PTPRK: variants seen among roughly 807,000 people sequenced by gnomAD.
The protein encoded by PTPRK is protein tyrosine phosphatase receptor type K.
In PTPRK, 75 loss-of-function variants were observed where a neutral mutation model predicts 178.0. The observed-to-expected ratio is 0.42, with a 90% CI of 0.35 to 0.51. The LOEUF (loss-of-function observed/expected upper bound fraction) is 0.51, where lower values mean the gene tolerates loss of function less well. Ranked by LOEUF, PTPRK falls within the 20% of genes least tolerant of loss-of-function variation. PTPRK has a pLI of 0.02. For missense variants in PTPRK, 1,441 were observed against 1,797.8 expected, an observed-to-expected ratio of 0.80 and a Z score of 3.59; for synonymous variants, 637 against 620.6, an observed-to-expected ratio of 1.03 and a Z score of -0.39.
chr6:128,008,919 G>A (rs1161658740), intron 14 of PTPRK, among the ~76,000 whole-genome samples: 1 of 151,058 alleles, frequency 6.6e-6, no homozygotes, highest in Non-Finnish European at 1.5e-5. Context: ...TTAACAAAAA[G>A]CATATGTTTA....
In PTPRK at chr6:128,082,457, T is replaced by C. The variant is rs763760310; in HGVS notation, c.1757A>G (p.Asn586Ser). The change falls in exon 10 of 30, where the codon AAT becomes AGT. Residue 586 changes from asparagine to serine, a missense_variant. Around this residue, in one of 4 missense-constraint regions of PTPRK, gnomAD observed 945 missense variants for 1,080.6 expected, o/e 0.87. Transcript: ENST00000368226. ...CATACCTGAGATATTGGTGGTGACA[T>C]TGATGGCTGTGGCTGGACCAAAGCC... is the stretch of plus-strand genomic sequence containing the variant. ...VKGFGPATAINVTTNISAPTL... is the reference protein window; with the variant it reads ...VKGFGPATAISVTTNISAPTL... 19 of 1,610,966 alleles carry C rather than the reference T, an allele frequency of 1.2e-5. 2 individuals carry two copies. Among genetic ancestry groups the C allele is most frequent in the South Asian group, 9.9e-5 (9 of 91,020 alleles).
At chr6:128,194,949 TA>T (rs1243733843) in intron 6 of PTPRK, among the ~76,000 whole-genome samples, 1 of 151,852 alleles carries the variant, frequency 6.6e-6, no homozygotes, top group African/African-American at 2.4e-5. Context: ...ATATCAATTT[TA>T]AAAAAAACCT....
At position 128,154,012 on chromosome 6, in the gene PTPRK, T is replaced by G. The variant is rs926051130; in HGVS notation, c.1162+30420A>C. On this transcript the variant is annotated intron_variant, in intron 7 of 29. Transcript: ENST00000368226. ...ATGGAAGCTTAGGAATTCAGAAGCA[T>G]GTATTCTTTAGCTAAGAATTGATTT... 6.6e-5 allele frequency among the ~76,000 whole-genome samples: 10 copies of G among 151,962 alleles called. No individual in the cohort carries two copies. The East Asian group carries it at 1.6e-3, about 24-fold the overall frequency.
At chr6:127,973,632 C>A (rs1315856676) in intron 28 of PTPRK, 32 bp downstream of exon 28, 9 of 1,608,092 alleles carry the variant, frequency 5.6e-6, no homozygotes, top group Non-Finnish European at 2.5e-6. Flanking sequence ...CACCAAGGCC[C>A]CATGAATGAC....
chr6:128,005,160 A>G lies in PTPRK; in HGVS notation c.2418T>C (p.Tyr806=). ...THMVNAMDRS[Y]ADQSTLHAED... The stretch of plus-strand genomic sequence containing the variant: ...CTGCATGCAGAGTGCTCTGATCAGC[A>G]TAACTTCGATCCATTGCATTCACCA... The change falls in exon 15 of 30, where the codon TAT becomes TAC. Residue 806 remains tyrosine, a synonymous_variant. Coordinates refer to ENST00000368226, the MANE Select transcript of PTPRK (RefSeq NM_002844.4). The G allele has an allele frequency of 1.9e-6, 3 of 1,611,802 alleles. No homozygotes were observed. Among genetic ancestry groups the G allele is most frequent in the East Asian group, 2.2e-5 (1 of 44,784 alleles).
At chr6:128,025,930 C>T (rs1190272701) in intron 13 of PTPRK, among the ~76,000 whole-genome samples, 4 of 152,320 alleles carry the variant, frequency 2.6e-5, no homozygotes, top group Admixed American at 6.5e-5. Flanking sequence ...TTTGCAAAGA[C>T]CGCTTTTCCC....
chr6:128,343,994 T>C (rs1050318157), intron 2 of PTPRK, among the ~76,000 whole-genome samples: 1 of 152,220 alleles, frequency 6.6e-6, no homozygotes, highest in Non-Finnish European at 1.5e-5. Context: ...TCCCTCTTTA[T>C]AGACTTGGGC....
chr6:128,396,615 A>G (rs1840337366), intron 2 of PTPRK, among the ~76,000 whole-genome samples: 1 of 152,122 alleles, frequency 6.6e-6, no homozygotes, highest in Non-Finnish European at 1.5e-5. Flanking sequence ...TGTTTTTCCT[A>G]AGATGAAACA....
At chr6:128,321,954 G>C (rs752954869) in intron 3 of PTPRK, 85 bp downstream of exon 3, 2 of 1,555,342 alleles carry the variant, frequency 1.3e-6, no homozygotes, top group Admixed American at 3.4e-5. Flanking sequence ...TCATTACCAT[G>C]AGATGCATAT....
intron 28 of PTPRK, 137 bp downstream of exon 28, chr6:127,973,527 C>A: frequency 2.1e-6 from 2 of 952,750 alleles, no homozygotes; most frequent in African/African-American, 1.6e-5. Flanking sequence ...TAATTATAGA[C>A]TCATGAGACA....
In PTPRK at chr6:128,371,476, T is replaced by C. The variant is rs187304349; in HGVS notation, c.223+26090A>G. ...CAGATTTGAACTATAGTTCTACTAT[T>C]AGTTACTATTAAAACCTGGAACACT... On this transcript the variant is annotated intron_variant, in intron 2 of 29. Coordinates refer to ENST00000368226, the MANE Select transcript of PTPRK (RefSeq NM_002844.4). Among the ~76,000 whole-genome samples, 317 of 152,302 alleles carry C rather than the reference T, an allele frequency of 2.1e-3. 1 individual carries two copies. Among genetic ancestry groups the C allele is most frequent in the Admixed American group, 5.8e-3 (88 of 15,290 alleles).
chr6:128,152,928 T>C (rs1797480619), intron 7 of PTPRK, among the ~76,000 whole-genome samples: 1 of 151,950 alleles, frequency 6.6e-6, no homozygotes, highest in African/African-American at 2.4e-5. Flanking sequence ...CCTGGTGACC[T>C]GCCTGGAAGG....
chr6:128,463,853 G>A (rs1031056804), intron 1 of PTPRK, among the ~76,000 whole-genome samples: 1 of 150,062 alleles, frequency 6.7e-6, no homozygotes, highest in African/African-American at 2.5e-5. Context: ...CAGGGTTCAG[G>A]CAATTCTCCT....
rs151289192 is a variant in PTPRK, at chr6:128,452,969, T to C, written c.101-55281A>G. 2.8e-4 allele frequency among the ~76,000 whole-genome samples: 42 copies of C among 152,302 alleles called. 1 individual carries two copies. Among genetic ancestry groups the C allele is most frequent in the African/African-American group, 9.6e-4 (40 of 41,580 alleles). ...TTGGTTCCAACTTCACTGTGTCACATTGAGTACTAAATTTCCTTAAGCCTA... is the reference window on the plus strand; with the variant it reads ...TTGGTTCCAACTTCACTGTGTCACACTGAGTACTAAATTTCCTTAAGCCTA... On this transcript the variant is annotated intron_variant, in intron 1 of 29. Transcript: ENST00000368226.
At chr6:128,309,074 G>T (rs1473637681) in intron 3 of PTPRK, among the ~76,000 whole-genome samples, 3 of 152,122 alleles carry the variant, frequency 2.0e-5, no homozygotes, top group Non-Finnish European at 4.4e-5. Flanking sequence ...CAACAGTCAA[G>T]TCAATAGGTT....
chr6:128,262,469 C>T (rs6900798), intron 3 of PTPRK, among the ~76,000 whole-genome samples: 9,571 of 151,958 alleles, frequency 0.063, 809 homozygotes, highest in African/African-American at 0.19. Context: ...GTGTTCGACT[C>T]CCCACATACT....
chr6:128,399,289 G>C (rs1022654199), intron 1 of PTPRK, among the ~76,000 whole-genome samples: 1 of 152,176 alleles, frequency 6.6e-6, no homozygotes. Context: ...AGGGGTCAGT[G>C]TCACAGGCAA....
rs796902316 is a variant in PTPRK, at chr6:128,229,919, G to A, written c.693+10116C>T. ...TGTGTTATTGGGTAACCAAATAGTAGATTAGGGGGAGTATGTATCTTTTCA... is the reference window on the plus strand; with the variant it reads ...TGTGTTATTGGGTAACCAAATAGTAAATTAGGGGGAGTATGTATCTTTTCA... On this transcript the variant is annotated intron_variant, in intron 5 of 29. Transcript: ENST00000368226. Among the ~76,000 whole-genome samples, 10 of 152,142 alleles carry A rather than the reference G, an allele frequency of 6.6e-5. No homozygotes were observed. The East Asian group carries it at 1.9e-3, about 29-fold the overall frequency.
chr6:128,246,423 T>C (rs1230308364), intron 3 of PTPRK, among the ~76,000 whole-genome samples: 1 of 151,916 alleles, frequency 6.6e-6, no homozygotes, highest in Non-Finnish European at 1.5e-5. Flanking sequence ...GGAGGCAAAA[T>C]AATTGGTTCT....
Sources: allele counts gnomAD v4.1 joint callset (sites outside exome capture counted in the v4.1 genomes callset), GRCh38; gene constraint gnomAD v4.1.1; regional missense constraint gnomAD v4.1.1; transcripts MANE v1.5; gene names NCBI Gene and HGNC (gene_info 2026-07-23, HGNC 2026-07-21).